The following MTMR9 variants were observed in gnomAD, a reference collection of about 807,000 sequenced individuals.
The protein encoded by MTMR9 is myotubularin-related protein 9.
Under a neutral mutation model 69.5 loss-of-function variants are expected in MTMR9, and 39 were observed. That is an observed-to-expected ratio of 0.56 (90% confidence interval 0.43 to 0.73). The LOEUF (loss-of-function observed/expected upper bound fraction) is 0.73, where lower values mean the gene tolerates loss of function less well. Among genes scored for constraint, MTMR9 ranks in the 30% least tolerant of loss-of-function variants. MTMR9 has a pLI of 0.00. For synonymous variants in MTMR9, 354 were observed against 240.8 expected (o/e 1.47, Z -4.35); for missense variants, 900 against 671.2 (o/e 1.34, Z -3.77).
intron 9 of MTMR9, chr8:11,321,212 T>A (rs1800670633): frequency 3.0e-6 from 1 of 333,024 alleles, no homozygotes; most frequent in Non-Finnish European, 6.0e-6. Context: ...TCTTAGATGG[T>A]CTTGAGGTTC....
rs1193882989 is a variant in MTMR9 at position 11,316,747 on chromosome 8, A to G, written c.1188A>G (p.Val396=). ...CNTKQKWEAP[V]FLLFLDCVWQ... Reference sequence around the variant, plus strand: ...CCAAGCAGAAGTGGGAGGCTCCTGTATTTCTTCTCTTCTTGGACTGCGTGT... The same window carrying G: ...CCAAGCAGAAGTGGGAGGCTCCTGTGTTTCTTCTCTTCTTGGACTGCGTGT... The change falls in exon 8 of 10, where the codon GTA becomes GTG. Residue 396 remains valine, a synonymous_variant. Coordinates refer to ENST00000221086, the MANE Select transcript of MTMR9 (RefSeq NM_015458.4). 4 of 1,613,388 alleles carry G rather than the reference A, an allele frequency of 2.5e-6. No individual in the cohort carries two copies. Among genetic ancestry groups the G allele is most frequent in the African/African-American group, 1.3e-5 (1 of 74,716 alleles).
chr8:11,319,945 C>T (rs759247171), intron 9 of MTMR9, 107 bp downstream of exon 9: 10 of 1,081,550 alleles, frequency 9.2e-6, no homozygotes, highest in Non-Finnish European at 1.2e-5. Context: ...GGACGTGGCC[C>T]TCAGACCTGT....
At position 11,314,924 on chromosome 8, in the gene MTMR9, G is replaced by A; in HGVS notation, c.973G>A (p.Glu325Lys). 1.9e-6 allele frequency: 3 copies of A among 1,613,580 alleles called. No homozygotes were observed. Among genetic ancestry groups the A allele is most frequent in the Non-Finnish European group, 2.5e-6 (3 of 1,179,620 alleles). The change falls in exon 7 of 10, where the codon GAA (glutamate) becomes AAA (lysine). Residue 325 changes from glutamate to lysine, a missense_variant and splice_region_variant. By Grantham distance (56) the Glu-to-Lys change is moderately conservative. Coordinates refer to ENST00000221086, the MANE Select transcript of MTMR9 (RefSeq NM_015458.4). ...ACTCTTCCCTGATTTTCCTATCAGG[G>A]AAGGAGCATCAATATTGATTCACGG... ...ACLAAQCIDR[E>K]GASILIHGTE...
intron 7 of MTMR9, chr8:11,315,936 T>C (rs980755417): frequency 5.9e-5 from 9 of 152,236 alleles, no homozygotes; most frequent in African/African-American, 2.2e-4. Flanking sequence ...CTTTGTCACA[T>C]ACAGTAGTAG....
chr8:11,313,005 C>G (rs567425960), intron 6 of MTMR9, among the ~76,000 whole-genome samples: 4 of 152,354 alleles, frequency 2.6e-5, no homozygotes, highest in Non-Finnish European at 5.9e-5. Flanking sequence ...ATGCTGTAAA[C>G]AGACATGCTG....
chr8:11,293,057 A>C (rs1055544706), intron 1 of MTMR9, among the ~76,000 whole-genome samples: 1 of 152,238 alleles, frequency 6.6e-6, no homozygotes, highest in Non-Finnish European at 1.5e-5. Flanking sequence ...AGAATTATCC[A>C]GAAGAAGGCA....
intron 5 of MTMR9, among the ~76,000 whole-genome samples, chr8:11,308,677 T>G (rs1234597911): frequency 6.6e-6 from 1 of 152,256 alleles, no homozygotes; most frequent in East Asian, 1.9e-4. Flanking sequence ...TGTATTTCTG[T>G]GATATCAGTT....
the MTMR9 span, among the ~76,000 whole-genome samples, chr8:11,333,270 C>A: frequency 1.3e-5 from 2 of 152,196 alleles, no homozygotes; most frequent in African/African-American, 4.8e-5. Flanking sequence ...CAACTCATCA[C>A]ATTACAAGGG....
In MTMR9 at chr8:11,319,714, G is replaced by C. The variant is rs757399370; in HGVS notation, c.1362G>C (p.Thr454=). 5 of 1,614,008 alleles carry C rather than the reference G, an allele frequency of 3.1e-6. No individual in the cohort carries two copies. The highest frequency in any genetic ancestry group is 1.7e-5 in the Admixed American group (1 of 60,008). ...GTAAGTTGAAGCTACAGCAGAAGAC[G>C]ATGTCTTTGTGGTCCTGGGTTAATC... The part of the protein sequence containing the change: ...ERCKLKLQQK[T]MSLWSWVNQP... Residue 454 remains threonine, a synonymous_variant, in exon 9 of 10, where the codon ACG becomes ACC. Coordinates refer to ENST00000221086, the MANE Select transcript of MTMR9 (RefSeq NM_015458.4).
chr8:11,292,195 G>A (rs1416826941), intron 1 of MTMR9, among the ~76,000 whole-genome samples: 1 of 152,144 alleles, frequency 6.6e-6, no homozygotes, highest in Non-Finnish European at 1.5e-5. Flanking sequence ...AGTACTAAGT[G>A]TCCATTTTGC....
chr8:11,327,008 A>T lies in MTMR9; in HGVS notation c.*4220A>T, dbSNP rs1800965353. 6.6e-6 allele frequency: 1 copy of T among 150,786 alleles called. No homozygotes were observed. Among genetic ancestry groups the T allele is most frequent in the South Asian group, 2.1e-4 (1 of 4,792 alleles). The allele number at this position is 150,786 out of a possible 1,614,324, so 9.3% of individuals were successfully genotyped here. On this transcript the variant is annotated 3_prime_UTR_variant, in exon 10 of 10. Coordinates refer to ENST00000221086, the MANE Select transcript of MTMR9 (RefSeq NM_015458.4). ...AAAAAAGACTCATTTATCCATTTACATTTATTCTCAGATGATAAAATATAT... is the reference window on the plus strand; with the variant it reads ...AAAAAAGACTCATTTATCCATTTACTTTTATTCTCAGATGATAAAATATAT...
At chr8:11,295,473 C>G (rs1256316941) in intron 2 of MTMR9, among the ~76,000 whole-genome samples, 171 bp downstream of exon 2, 1 of 149,118 alleles carries the variant, frequency 6.7e-6, no homozygotes, top group African/African-American at 2.4e-5. Flanking sequence ...ATGGAACTTT[C>G]TTGACTTCCA....
chr8:11,317,344 G>A (rs1800464925), intron 8 of MTMR9: 1 of 152,438 alleles, frequency 6.6e-6, no homozygotes, highest in African/African-American at 2.4e-5. Context: ...CAGTTTTGTG[G>A]ATAACAACTT....
At chr8:11,332,676 A>G (rs534398379), downstream of MTMR9, among the ~76,000 whole-genome samples, 2 of 151,930 alleles carry the variant, frequency 1.3e-5, no homozygotes, top group South Asian at 4.2e-4. Flanking sequence ...ATCTCAGCTC[A>G]CTGTAACATC....
At chr8:11,313,212 T>G (rs6985146) in intron 6 of MTMR9, among the ~76,000 whole-genome samples, 55,852 of 152,072 alleles carry the variant, frequency 0.37, 11,523 homozygotes, top group East Asian at 0.74. Context: ...TTTCCAACTT[T>G]TCTTCTACAG....
intron 9 of MTMR9, among the ~76,000 whole-genome samples, chr8:11,322,064 A>G (rs1800718790): frequency 6.6e-6 from 1 of 152,150 alleles, no homozygotes; most frequent in Non-Finnish European, 1.5e-5. Context: ...TTATTTGGGG[A>G]AAGAAGAAAT....
intron 3 of MTMR9, 142 bp downstream of exon 3, chr8:11,300,290 A>T (rs896171655): frequency 6.8e-6 from 6 of 885,308 alleles, no homozygotes; most frequent in Non-Finnish European, 1.0e-5. Context: ...AAAAGGATTG[A>T]AGCCATGCAG....
At chr8:11,314,048 C>T (rs541281878) in intron 6 of MTMR9, among the ~76,000 whole-genome samples, 2 of 152,270 alleles carry the variant, frequency 1.3e-5, no homozygotes, top group South Asian at 2.1e-4. Flanking sequence ...AGATGACTTA[C>T]AAACATGGAA....
At position 11,309,517 on chromosome 8, in the gene MTMR9, C is replaced by T. The variant is rs1800105602; in HGVS notation, c.810-10C>T. The stretch of plus-strand genomic sequence containing the variant: ...GGGTTTGTTATTTTTTACTTTCTTA[C>T]TTTTAAAAGGTATCACATTCTTCAG... On this transcript the variant is annotated splice_polypyrimidine_tract_variant and intron_variant, in intron 5 of 9. Coordinates refer to ENST00000221086, the MANE Select transcript of MTMR9 (RefSeq NM_015458.4). 2 of 1,587,758 alleles carry T rather than the reference C, an allele frequency of 1.3e-6. No individual in the cohort carries two copies. Among genetic ancestry groups the T allele is most frequent in the East Asian group, 2.2e-5 (1 of 44,642 alleles).
Sources: gnomAD v4.1 joint callset for allele counts (sites outside exome capture counted in the v4.1 genomes callset) on GRCh38, gnomAD v4.1.1 for gene constraint, MANE v1.5 for transcripts, NCBI Gene and HGNC (gene_info 2026-07-23, HGNC 2026-07-21) for gene names.